LDHAL6A: variants seen among roughly 807,000 people sequenced by gnomAD.
LDHAL6A encodes the protein lactate dehydrogenase A like 6A, also known as L-lactate dehydrogenase A-like 6A.
Under a neutral mutation model 28.2 loss-of-function variants are expected in LDHAL6A, and 19 were observed. The observed-to-expected ratio is 0.67, with a 90% CI of 0.47 to 0.99. LDHAL6A has a LOEUF of 0.99. Ranked by LOEUF, LDHAL6A falls within the 50% of genes least tolerant of loss-of-function variation. LDHAL6A has a pLI of 0.00. For missense variants in LDHAL6A, 372 were observed against 398.6 expected (o/e 0.93, Z 0.57); for synonymous variants, 144 against 134.4 (o/e 1.07, Z -0.49).
At chr11:18,478,684 A>G in intron 6 of LDHAL6A, 22 bp from the exon 7 acceptor site, 9 of 1,579,120 alleles carry the variant, frequency 5.7e-6, no homozygotes, top group Non-Finnish European at 6.9e-6. Context: ...AAAAGGAATA[A>G]TTTTTAAGTC....
chr11:18,465,449 T>C (rs1226997525), intron 2 of LDHAL6A, among the ~76,000 whole-genome samples, 188 bp from the exon 3 acceptor site: 2 of 149,328 alleles, frequency 1.3e-5, no homozygotes, highest in Non-Finnish European at 3.0e-5. Context: ...TTTTTATTAT[T>C]AAAAAAAATG....
chr11:18,465,264 A>G (rs546880640), intron 2 of LDHAL6A, among the ~76,000 whole-genome samples: 109 of 152,086 alleles, frequency 7.2e-4, no homozygotes, highest in South Asian at 2.1e-3. Context: ...CTGGGACTAC[A>G]GGCATCCGCC....
At chr11:18,463,243 A>G (rs138808730) in intron 1 of LDHAL6A, among the ~76,000 whole-genome samples, 130 of 152,208 alleles carry the variant, frequency 8.5e-4, no homozygotes, top group African/African-American at 2.9e-3. Context: ...TAATCTATGG[A>G]TGAATGGGTT....
chr11:18,457,853 C>T (rs1423302014), intron 1 of LDHAL6A, among the ~76,000 whole-genome samples: 1 of 151,990 alleles, frequency 6.6e-6, no homozygotes, highest in East Asian at 1.9e-4. Flanking sequence ...TTTTTAACAT[C>T]AGTAATAATG....
intron 3 of LDHAL6A, among the ~76,000 whole-genome samples, chr11:18,467,130 T>G (rs1017367984): frequency 6.6e-6 from 1 of 152,212 alleles, no homozygotes; most frequent in African/African-American, 2.4e-5. Context: ...CTTAGTAGTT[T>G]AGGGATATTC....
At chr11:18,477,771 TAACTC>T (rs750121343) in intron 6 of LDHAL6A, 28 bp downstream of exon 6, 53 of 1,573,374 alleles carry the variant, frequency 3.4e-5, no homozygotes, top group Middle Eastern at 1.7e-4. Context: ...GAAAAATCAT[TAACTC>T]AACATAAAAT....
chr11:18,464,644 G>T (rs1849001453), intron 2 of LDHAL6A, among the ~76,000 whole-genome samples: 2 of 152,024 alleles, frequency 1.3e-5, no homozygotes, highest in Non-Finnish European at 2.9e-5. Flanking sequence ...GAACCTGGGA[G>T]GTGGAGGTTG....
At chr11:18,463,866 A>C (rs1848983934) in intron 1 of LDHAL6A, 95 bp from the exon 2 acceptor site, 1 of 744,874 alleles carries the variant, frequency 1.3e-6, no homozygotes, top group Admixed American at 2.0e-5. Flanking sequence ...GATAATTCAC[A>C]AGCTAGACAT....
At position 18,456,565 on chromosome 11, in the gene LDHAL6A, C is replaced by CAG. The variant is rs3839960; in HGVS notation, c.-116_-115insAG. 291,931 of 861,870 alleles carry CAG rather than the reference C, an allele frequency of 0.34. 52,176 individuals are homozygous for CAG. Among genetic ancestry groups the CAG allele is most frequent in the African/African-American group, 0.52 (29,861 of 57,864 alleles). 53.4% of individuals were successfully genotyped at this position (861,870 alleles called of 1,614,324 possible). On this transcript the variant is annotated 5_prime_UTR_variant, in exon 1 of 7. An upstream open reading frame in the 5' UTR gains an earlier in-frame stop. Coordinates refer to ENST00000280706, the MANE Select transcript of LDHAL6A (RefSeq NM_144972.5). ...TGTGTCTGCAGCACCTCCTTCCACA[C>CAG]GGGCCCAGGAGTTCTCTATACGCGC...
chr11:18,473,805 G>A (rs1322941783), intron 3 of LDHAL6A, among the ~76,000 whole-genome samples: 3 of 152,128 alleles, frequency 2.0e-5, no homozygotes, highest in African/African-American at 7.2e-5. Context: ...TCCTTGTCTT[G>A]TTTCTGACTT....
At chr11:18,470,279 A>C (rs146383538) in intron 3 of LDHAL6A, among the ~76,000 whole-genome samples, 2 of 152,334 alleles carry the variant, frequency 1.3e-5, no homozygotes, top group African/African-American at 4.8e-5. Context: ...TCTGAGAGCA[A>C]TCTGGGTAGA....
intron 1 of LDHAL6A, 26 bp downstream of exon 1, chr11:18,456,832 G>A (rs192607672): frequency 3.1e-6 from 5 of 1,600,362 alleles, no homozygotes; most frequent in Admixed American, 3.5e-5. Flanking sequence ...TGCACCACAG[G>A]GTTCACCTCA....
chr11:18,461,220 C>A (rs1380899063), intron 1 of LDHAL6A, among the ~76,000 whole-genome samples: 5 of 151,686 alleles, frequency 3.3e-5, no homozygotes, highest in Admixed American at 6.6e-5. Flanking sequence ...TCATGGCTCA[C>A]TTCAACCTCT....
intron 1 of LDHAL6A, among the ~76,000 whole-genome samples, chr11:18,461,724 C>T (rs1055071988): frequency 4.6e-5 from 7 of 150,846 alleles, no homozygotes; most frequent in South Asian, 2.1e-4. Flanking sequence ...TGGTGGCAGG[C>T]GCCTGTAATC....
chr11:18,462,645 AAC>A lies in LDHAL6A; in HGVS notation c.127-1314_127-1313del, dbSNP rs1565067256. Among the ~76,000 whole-genome samples the A allele has an allele frequency of 9.2e-3, 654 of 70,788 alleles. 24 individuals carry two copies. The highest frequency in any genetic ancestry group is 0.051 in the African/African-American group (603 of 11,760). 46.4% of individuals were successfully genotyped at this position (70,788 alleles called of 152,430 possible). A position where few individuals can be genotyped will look rare whatever the true frequency, so the allele number is the denominator to read the frequency against. ...GAGCAAGACTCTGTCTCAAAAAACA[AAC>A]AAACAAACAAAAAAAAAAACAAAAA... On this transcript the variant is annotated intron_variant, in intron 1 of 6. Transcript: ENST00000280706.
chr11:18,465,921 C>A, intron 3 of LDHAL6A, 111 bp downstream of exon 3: 1 of 852,784 alleles, frequency 1.2e-6, no homozygotes, highest in Non-Finnish European at 1.8e-6. Context: ...ATTGATCCTG[C>A]CACCCAGGTA....
chr11:18,467,880 CATATATATATATATATATAT>C (rs1161164040), intron 3 of LDHAL6A, among the ~76,000 whole-genome samples: 37 of 44,410 alleles, frequency 8.3e-4, no homozygotes, highest in African/African-American at 4.3e-3. Flanking sequence ...TATATACACA[CATATATATATATATATATAT>C]ATATATATAT....
intron 1 of LDHAL6A, among the ~76,000 whole-genome samples, chr11:18,457,996 A>G (rs748920036): frequency 1.3e-5 from 2 of 152,246 alleles, no homozygotes; most frequent in African/African-American, 2.4e-5. Context: ...GGTAATATAT[A>G]TAGAAAAGCT....
At position 18,461,152 on chromosome 11, in the gene LDHAL6A, G is replaced by GTTT. The variant is rs34501848; in HGVS notation, c.127-2801_127-2799dup. Among the ~76,000 whole-genome samples the GTTT allele has an allele frequency of 6.2e-3, 889 of 143,558 alleles. 2 individuals are homozygous for GTTT. The highest frequency in any genetic ancestry group is 8.3e-3 in the Non-Finnish European group (538 of 65,070). The allele number at this position is 143,558 out of a possible 152,430, so 94.2% of individuals were successfully genotyped here. A position where few individuals can be genotyped will look rare whatever the true frequency, so the allele number is the denominator to read the frequency against. On this transcript the variant is annotated intron_variant, in intron 1 of 6. Transcript: ENST00000280706. Reference sequence around the variant, plus strand: ...CGCGCCCGGCCTTGGTCATTTACTTGTTTTTTTTTTGAGACAGAATCTCGC... The same window carrying GTTT: ...CGCGCCCGGCCTTGGTCATTTACTTGTTTTTTTTTTTTTGAGACAGAATCTCGC...
Sources: allele counts gnomAD v4.1 joint callset (sites outside exome capture counted in the v4.1 genomes callset), GRCh38; gene constraint gnomAD v4.1.1; transcripts MANE v1.5; gene names NCBI Gene and HGNC (gene_info 2026-07-23, HGNC 2026-07-21).